The following C4orf51 variants were observed in gnomAD, a reference collection of about 807,000 sequenced individuals.
The protein encoded by C4orf51 is chromosome 4 open reading frame 51.
C4orf51 carries 25 observed loss-of-function variants against 25.2 expected under a neutral mutation model. The ratio of observed to expected loss-of-function variants is 0.99; its 90% CI spans 0.72 to 1.39. The LOEUF is 1.39. Ranked by LOEUF, C4orf51 falls within the 40% of genes most tolerant of loss-of-function variation. The pLI, the probability that C4orf51 is intolerant of heterozygous loss-of-function variation, is 0.00. For synonymous variants in C4orf51, 100 were observed against 84.5 expected, an observed-to-expected ratio of 1.18 and a Z score of -1.01; for missense variants, 252 against 239.6, an observed-to-expected ratio of 1.05 and a Z score of -0.34.
rs1731648846 is a variant in C4orf51, at chr4:145,720,101, G to A, written c.308-6810G>A. On this transcript the variant is annotated intron_variant, in intron 2 of 5. Coordinates refer to ENST00000438731, the MANE Select transcript of C4orf51 (RefSeq NM_001080531.3). ...GAGGTTGTGGCCCCAGAATGAAGGT[G>A]GCAACAGGTGGATTAGGGCATGCCT... 1.3e-5 allele frequency among the ~76,000 whole-genome samples: 2 copies of A among 152,120 alleles called. 1 individual carries two copies. Among genetic ancestry groups the A allele is most frequent in the South Asian group, 4.1e-4 (2 of 4,832 alleles).
intron 2 of C4orf51, among the ~76,000 whole-genome samples, chr4:145,704,437 A>G (rs1184405097): frequency 2.6e-5 from 4 of 152,186 alleles, no homozygotes; most frequent in Non-Finnish European, 5.9e-5. Flanking sequence ...AAAATATGTC[A>G]AAGAAATATA....
intron 2 of C4orf51, among the ~76,000 whole-genome samples, chr4:145,708,106 C>A (rs939261919): frequency 3.9e-5 from 6 of 152,220 alleles, no homozygotes; most frequent in Non-Finnish European, 8.8e-5. Context: ...GGAGAAGTGT[C>A]CTTAGGGCAA....
chr4:145,776,641 GTCA>G, the C4orf51 span, among the ~76,000 whole-genome samples: 4 of 152,016 alleles, frequency 2.6e-5, no homozygotes, highest in African/African-American at 4.8e-5. Context: ...CCATGTGTCA[GTCA>G]TGGGTGAGTG....
downstream of C4orf51, among the ~76,000 whole-genome samples, chr4:145,734,407 T>G (rs1252207873): frequency 6.7e-6 from 1 of 148,358 alleles, no homozygotes. Context: ...GCGGCCTAAT[T>G]TGGGGATGGG....
In C4orf51 at chr4:145,702,095, C is replaced by T. The variant is rs1017373300; in HGVS notation, c.307+5463C>T. Reference sequence around the variant, plus strand: ...AACGCCAATATCCCATCCCACAGCACGCTTTAAAAGGATTAAAGCCTGTTA... The same window carrying T: ...AACGCCAATATCCCATCCCACAGCATGCTTTAAAAGGATTAAAGCCTGTTA... On this transcript the variant is annotated intron_variant, in intron 2 of 5. Coordinates refer to ENST00000438731, the MANE Select transcript of C4orf51 (RefSeq NM_001080531.3). Among the ~76,000 whole-genome samples, 176 of 152,294 alleles carry T rather than the reference C, an allele frequency of 1.2e-3. 1 individual carries two copies. The highest frequency in any genetic ancestry group is 3.8e-3 in the African/African-American group (158 of 41,548).
chr4:145,717,847 T>C (rs530790076), intron 2 of C4orf51, among the ~76,000 whole-genome samples: 1 of 152,386 alleles, frequency 6.6e-6, no homozygotes, highest in South Asian at 2.1e-4. Flanking sequence ...CTATATCATA[T>C]GCTCAGCTCT....
At chr4:145,783,471 T>A in the C4orf51 span, among the ~76,000 whole-genome samples, 2 of 152,248 alleles carry the variant, frequency 1.3e-5, no homozygotes, top group Non-Finnish European at 2.9e-5. Context: ...TGAGCCATAC[T>A]CCTAAAGGCT....
intron 2 of C4orf51, among the ~76,000 whole-genome samples, chr4:145,700,952 G>A (rs1730397648): frequency 6.6e-6 from 1 of 151,952 alleles, no homozygotes; most frequent in South Asian, 2.1e-4. Context: ...AAGGTGGCTG[G>A]AGCCAAAGGC....
chr4:145,694,903 A>C (rs1421801462), intron 1 of C4orf51, among the ~76,000 whole-genome samples: 1 of 152,228 alleles, frequency 6.6e-6, no homozygotes, highest in Non-Finnish European at 1.5e-5. Context: ...TTTCATGCAC[A>C]GAAGTTGAAA....
At chr4:145,768,526 G>A (rs1281818532) in intron 1 of C4orf51, among the ~76,000 whole-genome samples, 2 of 151,902 alleles carry the variant, frequency 1.3e-5, no homozygotes, top group South Asian at 4.2e-4. Flanking sequence ...TGGTTCAAGA[G>A]ACTTAAGAAT....
chr4:145,704,622 A>G (rs1315625628), intron 2 of C4orf51, among the ~76,000 whole-genome samples: 2 of 152,106 alleles, frequency 1.3e-5, no homozygotes, highest in African/African-American at 2.4e-5. Flanking sequence ...TTTGATTGCT[A>G]CAGTTTTCTA....
intron 2 of C4orf51, among the ~76,000 whole-genome samples, chr4:145,702,678 A>G (rs954674434): frequency 9.2e-5 from 14 of 152,170 alleles, no homozygotes; most frequent in South Asian, 2.1e-4. Flanking sequence ...TTGCTGGCAG[A>G]ACTATGCTGA....
intron 1 of C4orf51, among the ~76,000 whole-genome samples, chr4:145,746,653 T>C (rs1733386537): frequency 6.6e-6 from 1 of 152,176 alleles, no homozygotes; most frequent in Admixed American, 6.5e-5. Context: ...ATGTAATTCC[T>C]CTAGTTTTGT....
the C4orf51 span, among the ~76,000 whole-genome samples, chr4:145,785,526 T>C: frequency 6.6e-6 from 1 of 152,194 alleles, no homozygotes; most frequent in Non-Finnish European, 1.5e-5. Context: ...GGACCTCTCC[T>C]GCCCCAGAGT....
At chr4:145,722,618 G>C (rs1466386383) in intron 2 of C4orf51, among the ~76,000 whole-genome samples, 2 of 152,106 alleles carry the variant, frequency 1.3e-5, no homozygotes, top group Admixed American at 6.5e-5. Flanking sequence ...ATATTTTTGA[G>C]ACACTTTGAA....
At chr4:145,775,593 C>A (rs1329659113), downstream of C4orf51, among the ~76,000 whole-genome samples, 1 of 152,120 alleles carries the variant, frequency 6.6e-6, no homozygotes, top group African/African-American at 2.4e-5. Flanking sequence ...TCAATTAATA[C>A]CACCAGGGGC....
chr4:145,699,287 A>G lies in C4orf51; in HGVS notation c.307+2655A>G, dbSNP rs1038534076. On this transcript the variant is annotated intron_variant, in intron 2 of 5. Transcript: ENST00000438731. ...GATGCGCAAGAAATTTGGTGCCGTG[A>G]CTTGGATCAGGGACCTCCCTTGGGA... 2.6e-4 allele frequency among the ~76,000 whole-genome samples: 24 copies of G among 91,034 alleles called. 4 individuals are homozygous for G. The highest frequency in any genetic ancestry group is 2.9e-4 in the Non-Finnish European group (13 of 45,156). The allele number at this position is 91,034 out of a possible 152,430, so 59.7% of individuals were successfully genotyped here. A position where few individuals can be genotyped will look rare whatever the true frequency, so the allele number is the denominator to read the frequency against.
At chr4:145,736,949 G>A (rs1401020278), downstream of C4orf51, among the ~76,000 whole-genome samples, 1 of 152,160 alleles carries the variant, frequency 6.6e-6, no homozygotes. Flanking sequence ...CCCTGGCGGC[G>A]AGAGTCCTCT....
chr4:145,756,126 T>G (rs915389205), downstream of C4orf51, among the ~76,000 whole-genome samples: 2 of 152,234 alleles, frequency 1.3e-5, no homozygotes, highest in Non-Finnish European at 2.9e-5. Flanking sequence ...GCAGGGGTTC[T>G]ACTGTGGTGT....
Sources: gnomAD v4.1 joint callset for allele counts (sites outside exome capture counted in the v4.1 genomes callset) on GRCh38, gnomAD v4.1.1 for gene constraint, MANE v1.5 for transcripts, NCBI Gene and HGNC (gene_info 2026-07-23, HGNC 2026-07-21) for gene names.